The following ATG2B variants were observed in gnomAD, a reference collection of about 807,000 sequenced individuals.
ATG2B encodes autophagy-related protein 2 homolog B.
ATG2B carries 121 observed loss-of-function variants against 241.3 expected under a neutral mutation model. That is an observed-to-expected ratio of 0.50 (90% CI 0.43 to 0.58). ATG2B has a LOEUF of 0.58. Ranked by LOEUF, ATG2B falls within the 20% of genes least tolerant of loss-of-function variation. ATG2B has a pLI of 0.00. For synonymous variants in ATG2B, 858 were observed against 876.6 expected (o/e 0.98, Z 0.37); for missense variants, 2,306 against 2,491.6 (o/e 0.93, Z 1.59).
intron 31 of ATG2B, 122 bp from the exon 32 acceptor site, chr14:96,304,725 C>T (rs536750613): frequency 2.6e-5 from 18 of 689,492 alleles, no homozygotes; most frequent in Middle Eastern, 8.3e-4. Flanking sequence ...GCTATCAGAA[C>T]GCTGCCACAA....
At chr14:96,313,560 G>A (rs762481180) in intron 23 of ATG2B, 125 bp from the exon 24 acceptor site, 7 of 503,618 alleles carry the variant, frequency 1.4e-5, no homozygotes, top group South Asian at 8.0e-5. Context: ...AAATCATAAC[G>A]GTAAAAGGAA....
intron 29 of ATG2B, 126 bp from the exon 30 acceptor site, chr14:96,307,042 G>T: frequency 2.4e-6 from 2 of 831,720 alleles, no homozygotes; most frequent in Non-Finnish European, 3.7e-6. Context: ...CCTAAAATAA[G>T]TCTATGAATC....
At chr14:96,313,246 T>C in intron 24 of ATG2B, 83 bp downstream of exon 24, 1 of 1,357,408 alleles carries the variant, frequency 7.4e-7, no homozygotes, top group Non-Finnish European at 1.0e-6. Flanking sequence ...AATTTGAACC[T>C]TAACTCTACT....
chr14:96,340,026 T>C (rs1392289002), intron 6 of ATG2B, among the ~76,000 whole-genome samples: 2 of 141,670 alleles, frequency 1.4e-5, no homozygotes, highest in Non-Finnish European at 3.2e-5. Flanking sequence ...CAGCACACTA[T>C]TCACATAGTG....
intron 27 of ATG2B, 81 bp from the exon 28 acceptor site, chr14:96,311,368 A>G: frequency 1.5e-6 from 2 of 1,344,086 alleles, no homozygotes; most frequent in Non-Finnish European, 2.1e-6. Context: ...TTTACATTAA[A>G]TAAGATTCAT....
rs10642903 is a variant in ATG2B at position 96,279,404 on chromosome 14, C to CTCATTCAT, written c.*6343_*6350dup. 0.78 allele frequency: 118,193 copies of CTCATTCAT among 150,750 alleles called. 46,455 individuals are homozygous for CTCATTCAT. Among genetic ancestry groups the CTCATTCAT allele is most frequent in the African/African-American group, 0.81 (33,282 of 41,084 alleles). 9.3% of individuals were successfully genotyped at this position (150,750 alleles called of 1,614,324 possible). On this transcript the variant is annotated 3_prime_UTR_variant, in exon 42 of 42. Coordinates refer to ENST00000359933, the MANE Select transcript of ATG2B (RefSeq NM_018036.7). The stretch of plus-strand genomic sequence containing the variant: ...CTAGATGACCACTCGGGTTCACTCA[C>CTCATTCAT]TCATTCATTCATTCATTCACTCATT...
In ATG2B at chr14:96,304,585, A is replaced by G. The variant is rs1345793785; in HGVS notation, c.4752T>C (p.Pro1584=). The G allele has an allele frequency of 1.2e-6, 2 of 1,601,516 alleles. No homozygotes were observed. Among genetic ancestry groups the G allele is most frequent in the Admixed American group, 3.4e-5 (2 of 59,444 alleles). The change falls in exon 32 of 42, where the codon CCT becomes CCC. Residue 1584 remains proline (P), a synonymous_variant. Coordinates refer to ENST00000359933, the MANE Select transcript of ATG2B (RefSeq NM_018036.7). ...AKSYISPHSS[P]SHTPTRHGRN... is the part of the protein sequence containing the mutation. ...GTCCATGTCTCGTGGGTGTGTGAGA[A>G]GGCGAACTGTGGGGACTACTAAAAA...
Position 96,332,287 on chromosome 14 carries a change from T to C in ATG2B, c.1468+18A>G, listed in dbSNP as rs768729467. 8 of 1,578,318 alleles carry C rather than the reference T, an allele frequency of 5.1e-6. No individual in the cohort carries two copies. The highest frequency in any genetic ancestry group is 2.2e-5 in the South Asian group (2 of 88,952). ...AATTCCAGCGGAAACTAACAACAAA[T>C]GTCTTATTTTTACTTACATGTCTTC... On this transcript the variant is annotated intron_variant, in intron 10 of 41. Transcript: ENST00000359933.
chr14:96,348,073 G>A (rs1156902437), intron 1 of ATG2B, among the ~76,000 whole-genome samples: 1 of 152,132 alleles, frequency 6.6e-6, no homozygotes, highest in African/African-American at 2.4e-5. Context: ...GCCAAGATTT[G>A]GAAGCAACCT....
chr14:96,305,166 A>G lies in ATG2B; in HGVS notation c.4733+423T>C, dbSNP rs566204965. Among the ~76,000 whole-genome samples, 5 of 152,224 alleles carry G rather than the reference A, an allele frequency of 3.3e-5. No individual in the cohort carries two copies. The East Asian group carries it at 5.8e-4, about 18-fold the overall frequency. ...GCGACCGGCACACTGCACTCGTCTC[A>G]CAGGCGCTCAATGACCACAGGCTCT... On this transcript the variant is annotated intron_variant, in intron 31 of 41. Transcript: ENST00000359933.
intron 3 of ATG2B, 37 bp from the exon 4 acceptor site, chr14:96,344,793 C>T (rs528710066): frequency 1.1e-6 from 1 of 906,568 alleles, no homozygotes; most frequent in South Asian, 2.0e-5. Flanking sequence ...TAAGAGACCA[C>T]ATATATGCTA....
intron 14 of ATG2B, 135 bp downstream of exon 14, chr14:96,328,209 CTTT>C (rs1174065858): frequency 3.1e-5 from 18 of 586,496 alleles, no homozygotes; most frequent in Non-Finnish European, 4.9e-5. Flanking sequence ...AAGATGTCTC[CTTT>C]TTTTATTATT....
Position 96,322,190 on chromosome 14 carries a change from T to C in ATG2B, c.2801A>G (p.His934Arg). The C allele has an allele frequency of 6.3e-7, 1 of 1,591,110 alleles. No individual in the cohort carries two copies. Among genetic ancestry groups the C allele is most frequent in the Non-Finnish European group, 8.5e-7 (1 of 1,172,320 alleles). The change falls in exon 18 of 42, where the codon CAC becomes CGC. Residue 934 changes from histidine to arginine, a missense_variant. His to Arg is a conservative substitution (Grantham distance 29). This residue lies in a region of ATG2B where 1,927 missense variants were observed against 2,011.2 expected (regional missense o/e 0.96). Coordinates refer to ENST00000359933, the MANE Select transcript of ATG2B (RefSeq NM_018036.7). ...EFQDKAISNSHYVLELTLPNI... is the reference protein window; with the variant it reads ...EFQDKAISNSRYVLELTLPNI... ...TGGTAACGTAAGTTCCAGCACATAG[T>C]GAGAATTGCTGATTGCTTTATCCTG...
At chr14:96,361,385 G>A (rs1888623551) in intron 1 of ATG2B, among the ~76,000 whole-genome samples, 1 of 152,128 alleles carries the variant, frequency 6.6e-6, no homozygotes, top group Non-Finnish European at 1.5e-5. Context: ...AACTCCATCT[G>A]TAAAATGGAA....
At position 96,280,753 on chromosome 14, in the gene ATG2B, G is replaced by A. The variant is rs1172426204; in HGVS notation, c.*5002C>T. 6.6e-6 allele frequency: 1 copy of A among 152,088 alleles called. No individual in the cohort carries two copies. Among genetic ancestry groups the A allele is most frequent in the Non-Finnish European group, 1.5e-5 (1 of 68,030 alleles). 9.4% of individuals were successfully genotyped at this position (152,088 alleles called of 1,614,324 possible). A position where few individuals can be genotyped will look rare whatever the true frequency, so the allele number is the denominator to read the frequency against. ...AAAAATTTGTGGGGCGTGGTGGCAG[G>A]TGCCTGTAATCCCAACTACTCAGGA... On this transcript the variant is annotated 3_prime_UTR_variant, in exon 42 of 42. Coordinates refer to ENST00000359933, the MANE Select transcript of ATG2B (RefSeq NM_018036.7).
intron 6 of ATG2B, among the ~76,000 whole-genome samples, chr14:96,340,095 C>CATATATGATATATATGAA (rs1566731463): frequency 1.3e-5 from 1 of 78,478 alleles, no homozygotes; most frequent in Admixed American, 1.6e-4. Flanking sequence ...TGAATATATG[C>CATATATGATATATATGAA]TATATAGAAT....
rs1355656644 is a variant in ATG2B, at chr14:96,284,294, G to GT, written c.*1460dup. On this transcript the variant is annotated 3_prime_UTR_variant, in exon 42 of 42. Transcript: ENST00000359933. ...GGTGGTTACGCTGTTGTCTTTTTAA[G>GT]TTTTTTGGCAGTAAAAAGGAAACTA... The GT allele has an allele frequency of 6.6e-6, 1 of 152,124 alleles. No homozygotes were observed. Among genetic ancestry groups the GT allele is most frequent in the African/African-American group, 2.4e-5 (1 of 41,420 alleles). The allele number at this position is 152,124 out of a possible 1,614,324, so 9.4% of individuals were successfully genotyped here.
At chr14:96,304,851 T>G (rs559373934) in intron 31 of ATG2B, among the ~76,000 whole-genome samples, 2 of 152,246 alleles carry the variant, frequency 1.3e-5, no homozygotes, top group South Asian at 4.1e-4. Flanking sequence ...CAGGAAAAGC[T>G]AATTATGATG....
In ATG2B at chr14:96,295,472, T is replaced by C; in HGVS notation, c.5218+10A>G. On this transcript the variant is annotated intron_variant, in intron 35 of 41. Coordinates refer to ENST00000359933, the MANE Select transcript of ATG2B (RefSeq NM_018036.7). ...TTGGTATAGTCTTTTCAACTATACA[T>C]ATTTAATACCTTCTGGATCTGGAGT... The C allele has an allele frequency of 6.4e-7, 1 of 1,569,264 alleles. No homozygotes were observed.
Sources: gnomAD v4.1 joint callset for allele counts (sites outside exome capture counted in the v4.1 genomes callset) on GRCh38, gnomAD v4.1.1 for gene constraint, gnomAD v4.1.1 regional missense constraint, MANE v1.5 for transcripts, NCBI Gene and HGNC (gene_info 2026-07-23, HGNC 2026-07-21) for gene names.